Variants in VSTM2B observed in about 807,000 individuals in gnomAD.
The protein encoded by VSTM2B is V-set and transmembrane domain containing 2B, also known as V-set and transmembrane domain-containing protein 2B.
In VSTM2B, 24 loss-of-function variants were observed where a neutral mutation model predicts 24.0. That is an observed-to-expected ratio of 1.00 (90% CI 0.72 to 1.40). The LOEUF (loss-of-function observed/expected upper bound fraction) is 1.40. Ranked by LOEUF, VSTM2B falls within the 40% of genes most tolerant of loss-of-function variation. The probability of loss-of-function intolerance (pLI) is 0.00; values close to 1 mark genes in which losing one functional copy is unlikely to be tolerated. For missense variants in VSTM2B, 399 were observed against 416.4 expected (o/e 0.96, Z 0.36); for synonymous variants, 226 against 194.4 (o/e 1.16, Z -1.35).
rs1034680204 is a variant in VSTM2B at position 29,529,899 on chromosome 19, G to A, written c.378G>A (p.Glu126=). The stretch of plus-strand genomic sequence containing the variant: ...GGCTGCAGGACGAGGGCGTGTACGA[G>A]TGCCGCGTGTCGGACTACAGCGACG... ...AVRLQDEGVY[E]CRVSDYSDDD... The change falls in exon 4 of 5, where the codon GAG becomes GAA. Residue 126 remains glutamate (E), a synonymous_variant. Transcript: ENST00000335523. 8 of 1,550,268 alleles carry A rather than the reference G, an allele frequency of 5.2e-6. No individual in the cohort carries two copies. The African/African-American group carries it at 1.1e-4, about 21-fold the overall frequency.
chr19:29,530,435 G>T (rs1262240553), intron 4 of VSTM2B, 145 bp downstream of exon 4: 2 of 664,694 alleles, frequency 3.0e-6, no homozygotes, highest in East Asian at 7.3e-5. Context: ...GGTCGGGAGC[G>T]CCCCCCCCAG....
At chr19:29,544,971 C>G (rs1970116354) in intron 4 of VSTM2B, among the ~76,000 whole-genome samples, 1 of 152,206 alleles carries the variant, frequency 6.6e-6, no homozygotes, top group African/African-American at 2.4e-5. Flanking sequence ...TCCACTCTCT[C>G]AGGCACACCC....
intron 4 of VSTM2B, among the ~76,000 whole-genome samples, chr19:29,546,601 G>A (rs960808543): frequency 3.9e-5 from 6 of 152,216 alleles, no homozygotes; most frequent in Admixed American, 6.5e-5. Context: ...ATCCAGATGG[G>A]GCAGGGGCCC....
chr19:29,543,903 T>A (rs1235843381), intron 4 of VSTM2B, among the ~76,000 whole-genome samples: 1 of 152,138 alleles, frequency 6.6e-6, no homozygotes, highest in East Asian at 1.9e-4. Context: ...GTTTCAGATC[T>A]GGAAGGGGCT....
intron 2 of VSTM2B, 89 bp downstream of exon 2, chr19:29,527,484 A>G (rs1338685783): frequency 3.2e-6 from 4 of 1,232,272 alleles, no homozygotes; most frequent in Non-Finnish European, 4.3e-6. Flanking sequence ...AGCGGGCTTC[A>G]CTCGCGCAGG....
At chr19:29,563,150 G>A (rs1052515357) in intron 4 of VSTM2B, among the ~76,000 whole-genome samples, 1 of 152,146 alleles carries the variant, frequency 6.6e-6, no homozygotes, top group East Asian at 1.9e-4. Flanking sequence ...ACAGAATTGT[G>A]TGGGATCGTG....
intron 4 of VSTM2B, among the ~76,000 whole-genome samples, chr19:29,556,655 A>C (rs1970417092): frequency 6.6e-6 from 1 of 152,242 alleles, no homozygotes; most frequent in African/African-American, 2.4e-5. Flanking sequence ...AAAGCAACTT[A>C]AGCTGATAAG....
At chr19:29,547,115 A>C (rs1970174517) in intron 4 of VSTM2B, among the ~76,000 whole-genome samples, 2 of 152,200 alleles carry the variant, frequency 1.3e-5, no homozygotes, top group African/African-American at 4.8e-5. Flanking sequence ...TTAGCAAATA[A>C]AAATATAGGA....
chr19:29,543,244 A>G (rs921856590), intron 4 of VSTM2B, among the ~76,000 whole-genome samples: 27 of 152,358 alleles, frequency 1.8e-4, no homozygotes, highest in African/African-American at 6.5e-4. Context: ...GCAATAATTC[A>G]TAATGCATTC....
At chr19:29,527,555 G>A (rs1044710614) in intron 2 of VSTM2B, among the ~76,000 whole-genome samples, 160 bp downstream of exon 2, 1 of 152,202 alleles carries the variant, frequency 6.6e-6, no homozygotes, top group Admixed American at 6.5e-5. Context: ...TTCAAAGTCA[G>A]CAGTGGTTAC....
chr19:29,532,738 T>G (rs1181150080), intron 4 of VSTM2B, among the ~76,000 whole-genome samples: 1 of 152,222 alleles, frequency 6.6e-6, no homozygotes, highest in Non-Finnish European at 1.5e-5. Flanking sequence ...ATTATCACCC[T>G]GGTCATTAGC....
At chr19:29,536,743 G>T (rs1401321364) in intron 4 of VSTM2B, among the ~76,000 whole-genome samples, 1 of 152,120 alleles carries the variant, frequency 6.6e-6, no homozygotes, top group Non-Finnish European at 1.5e-5. Flanking sequence ...AGAGCTGGAA[G>T]CCAGCCTTGT....
intron 4 of VSTM2B, among the ~76,000 whole-genome samples, chr19:29,531,113 T>C (rs111567453): frequency 0.31 from 7,375 of 24,164 alleles, 679 homozygotes; most frequent in African/African-American, 0.48. Context: ...GTGGGGGCGG[T>C]GGGGGGCGGT....
chr19:29,547,990 G>A (rs1970189559), intron 4 of VSTM2B, among the ~76,000 whole-genome samples: 1 of 152,116 alleles, frequency 6.6e-6, no homozygotes, highest in Non-Finnish European at 1.5e-5. Context: ...GTTTCTCAGG[G>A]AGAGTGTCCA....
At chr19:29,560,828 C>T (rs955078991) in intron 4 of VSTM2B, among the ~76,000 whole-genome samples, 8 of 152,228 alleles carry the variant, frequency 5.3e-5, no homozygotes, top group African/African-American at 7.2e-5. Context: ...TCCATGCCAA[C>T]GGTCCCATGG....
Position 29,530,247 on chromosome 19 carries a change from G to T in VSTM2B, c.726G>T (p.Pro242=), listed in dbSNP as rs1459729748. 2 of 1,495,716 alleles carry T rather than the reference G, an allele frequency of 1.3e-6. No individual in the cohort carries two copies. The highest frequency in any genetic ancestry group is 2.1e-5 in the Admixed American group (1 of 47,514). The allele number at this position is 1,495,716 out of a possible 1,614,324, so 92.7% of individuals were successfully genotyped here. The change falls in exon 4 of 5, where the codon CCG becomes CCT. Residue 242 remains proline (P), a synonymous_variant. Coordinates refer to ENST00000335523, the MANE Select transcript of VSTM2B (RefSeq NM_001146339.2). ...CTGCTGCTGCCTCGTCAGCGTCGCCGCCATCGGGACAGGCGGTCCTGCTGC... is the reference window on the plus strand; with the variant it reads ...CTGCTGCTGCCTCGTCAGCGTCGCCTCCATCGGGACAGGCGGTCCTGCTGC... The part of the protein sequence containing the change: ...AAAAAASSAS[P]PSGQAVLLRQ...
Position 29,535,130 on chromosome 19 carries a change from C to A in VSTM2B, c.769+4840C>A, listed in dbSNP as rs139729992. Reference sequence around the variant, plus strand: ...GACTGCATTAGCAGAGCAGAGCAGGCGCAGGAGGCTGGGCCCCGTCTTAGC... The same window carrying A: ...GACTGCATTAGCAGAGCAGAGCAGGAGCAGGAGGCTGGGCCCCGTCTTAGC... On this transcript the variant is annotated intron_variant, in intron 4 of 4. Coordinates refer to ENST00000335523, the MANE Select transcript of VSTM2B (RefSeq NM_001146339.2). Among the ~76,000 whole-genome samples the A allele has an allele frequency of 9.8e-5, 15 of 152,302 alleles. No individual in the cohort carries two copies. The East Asian group carries it at 2.7e-3, about 27-fold the overall frequency.
intron 4 of VSTM2B, among the ~76,000 whole-genome samples, chr19:29,551,577 T>C (rs1378205407): frequency 6.6e-6 from 1 of 152,162 alleles, no homozygotes; most frequent in Non-Finnish European, 1.5e-5. Flanking sequence ...AATATCTTAA[T>C]TGATATCTTA....
chr19:29,561,077 C>T (rs748928976), intron 4 of VSTM2B, among the ~76,000 whole-genome samples: 3 of 152,046 alleles, frequency 2.0e-5, no homozygotes, highest in Non-Finnish European at 4.4e-5. Flanking sequence ...TTTGGGAGGT[C>T]GAAGTGGGCA....
Sources: gnomAD v4.1 joint callset for allele counts (sites outside exome capture counted in the v4.1 genomes callset) on GRCh38, gnomAD v4.1.1 for gene constraint, MANE v1.5 for transcripts, NCBI Gene and HGNC (gene_info 2026-07-23, HGNC 2026-07-21) for gene names.